Variants in XPR1 observed in about 807,000 individuals in gnomAD.
XPR1 encodes solute carrier family 53 member 1.
A neutral mutation model predicts 87.5 loss-of-function variants in XPR1; 28 were observed. The observed-to-expected ratio is 0.32, with a 90% CI of 0.24 to 0.44. The LOEUF (loss-of-function observed/expected upper bound fraction) is 0.44, where lower values mean the gene tolerates loss of function less well. Among genes scored for constraint, XPR1 ranks in the 20% least tolerant of loss-of-function variants. XPR1 has a pLI of 1.00. For missense variants in XPR1, 559 were observed against 862.3 expected, an observed-to-expected ratio of 0.65 and a Z score of 4.41; for synonymous variants, 300 against 306.1, an observed-to-expected ratio of 0.98 and a Z score of 0.21.
chr1:180,715,874 T>C (rs2101990671), intron 2 of XPR1, among the ~76,000 whole-genome samples: 1 of 152,236 alleles, frequency 6.6e-6, no homozygotes, highest in Middle Eastern at 3.4e-3. Context: ...GGTTTCTCCG[T>C]GTTGCTCACG....
chr1:180,853,296 A>G (rs1477658026), intron 11 of XPR1, among the ~76,000 whole-genome samples: 1 of 152,078 alleles, frequency 6.6e-6, no homozygotes, highest in African/African-American at 2.4e-5. Context: ...TTTCTATTCT[A>G]TCTTTCAGTT....
intron 2 of XPR1, among the ~76,000 whole-genome samples, chr1:180,771,651 G>A (rs1648518272): frequency 6.6e-6 from 1 of 152,064 alleles, no homozygotes; most frequent in South Asian, 2.1e-4. Flanking sequence ...ACACTTTGAT[G>A]CGTATTGTGC....
At chr1:180,727,020 G>A (rs1459265076) in intron 2 of XPR1, among the ~76,000 whole-genome samples, 5 of 151,834 alleles carry the variant, frequency 3.3e-5, no homozygotes, top group Non-Finnish European at 7.4e-5. Context: ...GACTACAGGC[G>A]CCCACCACTG....
intron 2 of XPR1, among the ~76,000 whole-genome samples, chr1:180,780,021 T>C (rs1648875249): frequency 6.6e-6 from 1 of 152,238 alleles, no homozygotes; most frequent in Admixed American, 6.5e-5. Flanking sequence ...TTTCTGTGGC[T>C]GAATTATATT....
chr1:180,727,822 A>G (rs769152620), intron 2 of XPR1, among the ~76,000 whole-genome samples: 1 of 152,206 alleles, frequency 6.6e-6, no homozygotes, highest in Non-Finnish European at 1.5e-5. Context: ...AGACCAGATA[A>G]GGTAACTTCT....
At position 180,715,900 on chromosome 1, in the gene XPR1, C is replaced by T. The variant is rs551089021; in HGVS notation, c.121+33489C>T. On this transcript the variant is annotated intron_variant, in intron 2 of 14. Coordinates refer to ENST00000367590, the MANE Select transcript of XPR1 (RefSeq NM_004736.4). ...GTTGCTCACGCTGGTCTCCAACTTC[C>T]GACCTCAGATGATCAGCCCACCTCA... Among the ~76,000 whole-genome samples, 26 of 152,160 alleles carry T rather than the reference C, an allele frequency of 1.7e-4. No individual in the cohort carries two copies. In the South Asian group the frequency reaches 2.1e-3, roughly 12 times the overall value.
intron 13 of XPR1, among the ~76,000 whole-genome samples, chr1:180,879,000 G>T (rs919702618): frequency 6.6e-6 from 1 of 151,968 alleles, no homozygotes; most frequent in Non-Finnish European, 1.5e-5. Context: ...GCAGACTCTC[G>T]TCCACCTCTC....
chr1:180,764,935 A>G lies in XPR1; in HGVS notation c.122-22818A>G, dbSNP rs188539024. Among the ~76,000 whole-genome samples, 3,355 of 151,004 alleles carry G rather than the reference A, an allele frequency of 0.022. 418 individuals carry two copies. The East Asian group carries it at 0.37, about 17-fold the overall frequency. On this transcript the variant is annotated intron_variant, in intron 2 of 14. Transcript: ENST00000367590. ...TGAGTAGCTGGGACTGCAGGCGCCC[A>G]CCACCACACCCAGCTAATTTTTTAT... is the stretch of plus-strand genomic sequence containing the variant.
chr1:180,686,313 A>G (rs969255220), intron 2 of XPR1, among the ~76,000 whole-genome samples: 2 of 152,066 alleles, frequency 1.3e-5, no homozygotes, highest in Non-Finnish European at 2.9e-5. Context: ...GAGTTTCTTA[A>G]TCCTGAGTTC....
chr1:180,826,696 A>G (rs1401322665), intron 9 of XPR1, among the ~76,000 whole-genome samples: 3 of 152,112 alleles, frequency 2.0e-5, no homozygotes. Flanking sequence ...GAATTGCTCT[A>G]TTTTCTCACC....
At chr1:180,853,319 C>CTT (rs1651926974) in intron 11 of XPR1, among the ~76,000 whole-genome samples, 1 of 152,024 alleles carries the variant, frequency 6.6e-6, no homozygotes, top group South Asian at 2.1e-4. Context: ...CAGTTCTTTC[C>CTT]TCTGTCCCTT....
chr1:180,632,405 T>A, intron 1 of XPR1, 135 bp downstream of exon 1: 1 of 1,169,814 alleles, frequency 8.5e-7, no homozygotes, highest in Non-Finnish European at 1.2e-6. Flanking sequence ...GGGGAGCCAC[T>A]GCGGCATCCC....
At chr1:180,749,639 TCACACACACACA>T (rs139363505) in intron 2 of XPR1, among the ~76,000 whole-genome samples, 21 of 142,436 alleles carry the variant, frequency 1.5e-4, no homozygotes, top group South Asian at 2.3e-4. Flanking sequence ...CACATATACA[TCACACACACACA>T]CACACACACA....
At chr1:180,713,940 A>G (rs1284913362) in intron 2 of XPR1, among the ~76,000 whole-genome samples, 3 of 152,104 alleles carry the variant, frequency 2.0e-5, no homozygotes, top group Non-Finnish European at 4.4e-5. Flanking sequence ...GAGTTTGTAT[A>G]TATCTGGTAT....
intron 3 of XPR1, among the ~76,000 whole-genome samples, chr1:180,792,623 A>G (rs538566947): frequency 5.8e-4 from 88 of 152,350 alleles, no homozygotes; most frequent in African/African-American, 2.0e-3. Context: ...TAAAATCAGT[A>G]TTTGAAGATC....
At chr1:180,766,781 AT>A (rs1165829462) in intron 2 of XPR1, among the ~76,000 whole-genome samples, 1 of 152,138 alleles carries the variant, frequency 6.6e-6, no homozygotes, top group South Asian at 2.1e-4. Flanking sequence ...CTTAGCATCT[AT>A]TTTTTATGCC....
chr1:180,655,542 A>G (rs1301626455), intron 1 of XPR1, among the ~76,000 whole-genome samples: 3 of 151,802 alleles, frequency 2.0e-5, no homozygotes, highest in Non-Finnish European at 4.4e-5. Flanking sequence ...CTGGGACTAT[A>G]GTCGTGCACC....
At chr1:180,877,296 G>T (rs1415613372) in intron 13 of XPR1, among the ~76,000 whole-genome samples, 1 of 152,172 alleles carries the variant, frequency 6.6e-6, no homozygotes, top group Non-Finnish European at 1.5e-5. Context: ...TAGTTACAGT[G>T]AGTAAGACAG....
At chr1:180,852,667 G>C (rs1651902454) in intron 11 of XPR1, among the ~76,000 whole-genome samples, 1 of 152,040 alleles carries the variant, frequency 6.6e-6, no homozygotes, top group Admixed American at 6.6e-5. Flanking sequence ...TCTCACCTCA[G>C]CCTCCTGAGT....
Sources: gnomAD v4.1 joint callset for allele counts (sites outside exome capture counted in the v4.1 genomes callset) on GRCh38, gnomAD v4.1.1 for gene constraint, MANE v1.5 for transcripts, NCBI Gene and HGNC (gene_info 2026-07-23, HGNC 2026-07-21) for gene names.